The following SERGEF variants were observed in gnomAD, a reference collection of about 807,000 sequenced individuals.
SERGEF encodes secretion regulating guanine nucleotide exchange factor.
SERGEF carries 51 observed loss-of-function variants against 50.0 expected under a neutral mutation model. That is an observed-to-expected ratio of 1.02 (90% CI 0.81 to 1.29). The LOEUF is 1.29. Among genes scored for constraint, SERGEF ranks in the 50% most tolerant of loss-of-function variants. The pLI, the probability that SERGEF is intolerant of heterozygous loss-of-function variation, is 0.00. For missense variants in SERGEF, 521 were observed against 557.0 expected, an observed-to-expected ratio of 0.94 and a Z score of 0.65; for synonymous variants, 205 against 212.4, an observed-to-expected ratio of 0.97 and a Z score of 0.30.
intron 9 of SERGEF, among the ~76,000 whole-genome samples, chr11:17,891,222 T>C (rs1851527457): frequency 6.6e-6 from 1 of 152,178 alleles, no homozygotes; most frequent in Non-Finnish European, 1.5e-5. Flanking sequence ...AAAATGTGAA[T>C]TCCTAAACTC....
At chr11:17,808,654 G>C (rs2133832655) in intron 10 of SERGEF, among the ~76,000 whole-genome samples, 1 of 152,304 alleles carries the variant, frequency 6.6e-6, no homozygotes. Context: ...GACGCTTGCT[G>C]TCAGACCCCT....
chr11:17,835,923 TG>T (rs1373755669), intron 10 of SERGEF, among the ~76,000 whole-genome samples: 1 of 152,246 alleles, frequency 6.6e-6, no homozygotes, highest in African/African-American at 2.4e-5. Flanking sequence ...GGGCTTGCTC[TG>T]AACTATTCAT....
At chr11:17,986,257 T>TCC (rs1258651518) in intron 8 of SERGEF, among the ~76,000 whole-genome samples, 1 of 152,156 alleles carries the variant, frequency 6.6e-6, no homozygotes, top group Non-Finnish European at 1.5e-5. Flanking sequence ...AGCACGGGCC[T>TCC]CCACTGCTGC....
chr11:17,939,528 C>T (rs1565210240), intron 9 of SERGEF: 1 of 152,220 alleles, frequency 6.6e-6, no homozygotes, highest in African/African-American at 2.4e-5. Context: ...GCTGGGAAGA[C>T]TGCTAAGAAT....
At chr11:17,934,577 A>G (rs1001971860) in intron 9 of SERGEF, among the ~76,000 whole-genome samples, 6 of 152,188 alleles carry the variant, frequency 3.9e-5, no homozygotes, top group African/African-American at 1.2e-4. Context: ...AAAATGGGGC[A>G]ATGACTGTGA....
At chr11:17,820,272 T>TA (rs1437722585) in intron 10 of SERGEF, among the ~76,000 whole-genome samples, 1 of 145,794 alleles carries the variant, frequency 6.9e-6, no homozygotes, top group Non-Finnish European at 1.5e-5. Context: ...TTCCTGCCCA[T>TA]ATCCACTGCA....
chr11:17,972,849 C>T (rs1853279643), intron 8 of SERGEF, among the ~76,000 whole-genome samples: 1 of 152,094 alleles, frequency 6.6e-6, no homozygotes, highest in East Asian at 1.9e-4. Flanking sequence ...TTTTGGGAGG[C>T]CCAAGGGCTG....
At chr11:17,834,771 G>T (rs1025333555) in intron 10 of SERGEF, among the ~76,000 whole-genome samples, 3 of 152,068 alleles carry the variant, frequency 2.0e-5, no homozygotes, top group South Asian at 2.1e-4. Context: ...CCTTTTTGAG[G>T]TCCAAATCAC....
chr11:17,872,404 T>C (rs1851157001), intron 10 of SERGEF, among the ~76,000 whole-genome samples: 1 of 152,230 alleles, frequency 6.6e-6, no homozygotes, highest in Non-Finnish European at 1.5e-5. Context: ...ATATACGTTA[T>C]ACTTCAACTT....
chr11:17,957,017 C>T (rs748368986), intron 9 of SERGEF, among the ~76,000 whole-genome samples: 9 of 152,150 alleles, frequency 5.9e-5, no homozygotes, highest in Non-Finnish European at 1.3e-4. Flanking sequence ...GGAGACAATT[C>T]CCAGACCCAA....
At chr11:17,931,081 C>T (rs1192371359) in intron 9 of SERGEF, among the ~76,000 whole-genome samples, 1 of 152,180 alleles carries the variant, frequency 6.6e-6, no homozygotes, top group African/African-American at 2.4e-5. Context: ...AATATCATCA[C>T]AGGCACTCCC....
At chr11:18,008,447 T>C (rs1590251152) in intron 1 of SERGEF, among the ~76,000 whole-genome samples, 1 of 152,174 alleles carries the variant, frequency 6.6e-6, no homozygotes, top group Admixed American at 6.5e-5. Context: ...ATGCCCTGCT[T>C]GGCCTCCTGC....
rs1565192183 is a variant in SERGEF at position 17,876,095 on chromosome 11, CCCTGCAGGG to C, written c.1048+2104_1048+2112del. Among the ~76,000 whole-genome samples the C allele has an allele frequency of 3.3e-5, 5 of 152,308 alleles. No homozygotes were observed. The South Asian group carries it at 1.0e-3, about 32-fold the overall frequency. ...GTAGCTTCCTGTTTCAAAGCCTGCA[CCCTGCAGGG>C]CACCCACTGAGGGCCTCATTCCTCC... On this transcript the variant is annotated intron_variant, in intron 10 of 10. Transcript: ENST00000265965.
rs767139711 is a variant in SERGEF, at chr11:17,995,861, C to T, written c.557G>A (p.Arg186Gln). Reference sequence around the variant, plus strand: ...AAGAGTCTGCCCAGGGCACAACCGTCGTCCACATGATGCCAAACCAGTCCC... The same window carrying T: ...AAGAGTCTGCCCAGGGCACAACCGTTGTCCACATGATGCCAAACCAGTCCC... ...QWGTGLASCGRRLCPGQTLPL... is the reference protein window; with the variant it reads ...QWGTGLASCGQRLCPGQTLPL... The change falls in exon 6 of 11, where the codon CGA becomes CAA. Residue 186 changes from arginine to glutamine, a missense_variant. Arg to Gln is a conservative substitution (Grantham distance 43, BLOSUM62 1). Transcript: ENST00000265965. The T allele has an allele frequency of 1.1e-4, 173 of 1,614,078 alleles. 1 individual carries two copies. The highest frequency in any genetic ancestry group is 6.7e-5 in the East Asian group (3 of 44,870).
At position 18,004,538 on chromosome 11, in the gene SERGEF, G is replaced by C; in HGVS notation, c.353-3C>G. On this transcript the variant is annotated splice_polypyrimidine_tract_variant and splice_region_variant and intron_variant, in intron 3 of 10. Coordinates refer to ENST00000265965, the MANE Select transcript of SERGEF (RefSeq NM_012139.4). ...ACATGATAGAACTTGACCATTTTCT[G>C]CAAAATACAAATACTTAAATTGCAA... 1.9e-6 allele frequency: 3 copies of C among 1,603,890 alleles called. No individual in the cohort carries two copies. Among genetic ancestry groups the C allele is most frequent in the Non-Finnish European group, 2.6e-6 (3 of 1,172,386 alleles).
intron 9 of SERGEF, among the ~76,000 whole-genome samples, chr11:17,890,048 A>G (rs1851503559): frequency 6.7e-6 from 1 of 148,534 alleles, no homozygotes; most frequent in Admixed American, 6.6e-5. Flanking sequence ...AAAAAAAAAA[A>G]GACAGGATAG....
At chr11:17,816,263 C>A (rs1458555993) in intron 10 of SERGEF, among the ~76,000 whole-genome samples, 1 of 152,116 alleles carries the variant, frequency 6.6e-6, no homozygotes, top group Non-Finnish European at 1.5e-5. Flanking sequence ...TGGATGAAAC[C>A]CTCTTTCCTC....
intron 6 of SERGEF, among the ~76,000 whole-genome samples, chr11:17,995,556 C>T (rs1853819429): frequency 6.6e-6 from 1 of 152,196 alleles, no homozygotes; most frequent in Non-Finnish European, 1.5e-5. Flanking sequence ...GTTACCATTT[C>T]AATCTCCACC....
chr11:17,902,197 T>TTGGTA (rs1565199629), intron 9 of SERGEF, among the ~76,000 whole-genome samples: 2 of 151,610 alleles, frequency 1.3e-5, no homozygotes, highest in African/African-American at 4.9e-5. Context: ...GTAGTCCACT[T>TTGGTA]TGACAAACCT....
Sources: allele counts gnomAD v4.1 joint callset (sites outside exome capture counted in the v4.1 genomes callset), GRCh38; gene constraint gnomAD v4.1.1; transcripts MANE v1.5; gene names NCBI Gene and HGNC (gene_info 2026-07-23, HGNC 2026-07-21).